SLC4A10: variants seen among roughly 807,000 people sequenced by gnomAD.
The protein encoded by SLC4A10 is sodium-driven chloride bicarbonate exchanger.
SLC4A10 carries 42 observed loss-of-function variants against 137.7 expected under a neutral mutation model. The ratio of observed to expected loss-of-function variants is 0.30; its 90% CI spans 0.24 to 0.39. The LOEUF (loss-of-function observed/expected upper bound fraction) is 0.39, where lower values mean the gene tolerates loss of function less well. Ranked by LOEUF, SLC4A10 falls within the 10% of genes least tolerant of loss-of-function variation. SLC4A10 has a pLI of 1.00. For missense variants in SLC4A10, 925 were observed against 1,355.0 expected (o/e 0.68, Z 4.98); for synonymous variants, 474 against 464.1 (o/e 1.02, Z -0.27).
chr2:161,801,997 G>A (rs2055418350), intron 2 of SLC4A10, among the ~76,000 whole-genome samples: 1 of 151,824 alleles, frequency 6.6e-6, no homozygotes, highest in Non-Finnish European at 1.5e-5. Flanking sequence ...TAATAAATAG[G>A]ACCAGACACA....
intron 1 of SLC4A10, among the ~76,000 whole-genome samples, chr2:161,740,319 C>T (rs941405498): frequency 6.6e-6 from 1 of 152,154 alleles, no homozygotes; most frequent in Admixed American, 6.5e-5. Flanking sequence ...AGTCCAGAGT[C>T]AGTTCTAGCT....
intron 15 of SLC4A10, among the ~76,000 whole-genome samples, chr2:161,928,362 G>T (rs1382201940): frequency 8.2e-6 from 1 of 122,164 alleles, no homozygotes; most frequent in Non-Finnish European, 1.7e-5. Flanking sequence ...TCACACTCTG[G>T]GGACTGTTGT....
chr2:161,767,178 A>G (rs201559971), intron 1 of SLC4A10, among the ~76,000 whole-genome samples: 3 of 95,938 alleles, frequency 3.1e-5, no homozygotes, highest in East Asian at 3.3e-4. Context: ...ATTTATATAT[A>G]TGTGTGTGTG....
intron 1 of SLC4A10, among the ~76,000 whole-genome samples, chr2:161,702,202 T>C (rs1314942967): frequency 6.6e-6 from 1 of 151,866 alleles, no homozygotes; most frequent in Non-Finnish European, 1.5e-5. Flanking sequence ...ATATAAACAA[T>C]GAAATATTAT....
At chr2:161,832,709 G>T (rs1267102219) in intron 3 of SLC4A10, among the ~76,000 whole-genome samples, 5 of 151,762 alleles carry the variant, frequency 3.3e-5, no homozygotes, top group African/African-American at 4.8e-5. Context: ...GAACAAGTTT[G>T]CATTTTCTTT....
intron 3 of SLC4A10, among the ~76,000 whole-genome samples, chr2:161,834,697 AC>A (rs1459266782): frequency 1.3e-5 from 2 of 148,862 alleles, no homozygotes; most frequent in Non-Finnish European, 3.0e-5. Context: ...ACACACACAC[AC>A]ACAAAACCTA....
chr2:161,933,257 TCTTTCTCCTTC>T (rs1337004332), intron 15 of SLC4A10, among the ~76,000 whole-genome samples: 1 of 146,046 alleles, frequency 6.8e-6, no homozygotes, highest in Non-Finnish European at 1.5e-5. Context: ...CTTTCTTCTT[TCTTTCTCCTTC>T]CTTCCTTTCT....
At chr2:161,779,169 C>A (rs1159279539) in intron 2 of SLC4A10, among the ~76,000 whole-genome samples, 1 of 151,888 alleles carries the variant, frequency 6.6e-6, no homozygotes, top group Non-Finnish European at 1.5e-5. Flanking sequence ...TTTATAACAA[C>A]CTGCTCTTGA....
At chr2:161,791,326 T>G (rs1259477599) in intron 2 of SLC4A10, among the ~76,000 whole-genome samples, 1 of 152,154 alleles carries the variant, frequency 6.6e-6, no homozygotes, top group Non-Finnish European at 1.5e-5. Flanking sequence ...GGGACCTGGA[T>G]GGAACTGGAA....
chr2:161,811,350 C>T (rs1310900788), intron 3 of SLC4A10, among the ~76,000 whole-genome samples: 2 of 151,938 alleles, frequency 1.3e-5, no homozygotes, highest in African/African-American at 2.4e-5. Flanking sequence ...TTTTGCATCT[C>T]AATTTCTTTC....
intron 6 of SLC4A10, 49 bp downstream of exon 6, chr2:161,863,111 A>G (rs376270225): frequency 2.4e-5 from 35 of 1,472,302 alleles, no homozygotes; most frequent in Non-Finnish European, 3.0e-5. Context: ...GGTCTCTGAC[A>G]TATCAAAGCG....
At chr2:161,918,460 A>G (rs1687523611) in intron 15 of SLC4A10, among the ~76,000 whole-genome samples, 1 of 152,202 alleles carries the variant, frequency 6.6e-6, no homozygotes, top group South Asian at 2.1e-4. Context: ...CTGGCCTAGA[A>G]GTTTTAAATT....
intron 3 of SLC4A10, among the ~76,000 whole-genome samples, chr2:161,810,247 AT>A (rs2125630501): frequency 6.6e-6 from 1 of 152,072 alleles, no homozygotes; most frequent in South Asian, 2.1e-4. Context: ...GAAATTGTCA[AT>A]TCTAGTTGCC....
intron 15 of SLC4A10, among the ~76,000 whole-genome samples, chr2:161,923,317 G>C (rs1020463539): frequency 4.6e-5 from 7 of 152,076 alleles, no homozygotes; most frequent in African/African-American, 1.7e-4. Context: ...ATTTTATACT[G>C]GTGTTTTTAA....
chr2:161,940,555 G>T (rs771746630), intron 15 of SLC4A10, among the ~76,000 whole-genome samples: 1 of 152,152 alleles, frequency 6.6e-6, no homozygotes, highest in African/African-American at 2.4e-5. Flanking sequence ...CTCTGAAGCC[G>T]CGCGTCAGAG....
chr2:161,700,629 A>G (rs746046968), intron 1 of SLC4A10, among the ~76,000 whole-genome samples: 1 of 152,114 alleles, frequency 6.6e-6, no homozygotes, highest in Non-Finnish European at 1.5e-5. Context: ...TAACCTTCAA[A>G]ATAGCTTTAT....
chr2:161,894,073 T>A (rs2063196773), intron 10 of SLC4A10, among the ~76,000 whole-genome samples: 1 of 151,992 alleles, frequency 6.6e-6, no homozygotes, highest in Admixed American at 6.6e-5. Context: ...CCTCTAAATA[T>A]AGGAGTATAT....
At chr2:161,887,097 C>T (rs147102628) in intron 10 of SLC4A10, among the ~76,000 whole-genome samples, 206 of 152,176 alleles carry the variant, frequency 1.4e-3, no homozygotes, top group African/African-American at 4.9e-3. Context: ...CAGCTTCATC[C>T]ATGTCCCTGC....
intron 26 of SLC4A10, among the ~76,000 whole-genome samples, chr2:161,978,428 A>G (rs996790065): frequency 2.0e-5 from 3 of 151,788 alleles, no homozygotes; most frequent in African/African-American, 7.3e-5. Context: ...AGAAAAAAGA[A>G]AGAAAGAAAT....
Sources: gnomAD v4.1 joint callset for allele counts (sites outside exome capture counted in the v4.1 genomes callset) on GRCh38, gnomAD v4.1.1 for gene constraint, MANE v1.5 for transcripts, NCBI Gene and HGNC (gene_info 2026-07-23, HGNC 2026-07-21) for gene names.